NXNL2: variants seen among roughly 807,000 people sequenced by gnomAD.
NXNL2 encodes nucleoredoxin like 2, also known as nucleoredoxin-like protein 2.
In NXNL2, 7 loss-of-function variants were observed where a neutral mutation model predicts 11.1. The ratio of observed to expected loss-of-function variants is 0.63; its 90% CI spans 0.36 to 1.18. The LOEUF (loss-of-function observed/expected upper bound fraction) is 1.18. NXNL2 is among the 50% of genes most tolerant of loss of function. The pLI is 0.02. For synonymous variants in NXNL2, 109 were observed against 101.8 expected (o/e 1.07, Z -0.42); for missense variants, 233 against 217.7 (o/e 1.07, Z -0.44).
chr9:88,571,855 A>T (rs558245497), intron 2 of NXNL2, among the ~76,000 whole-genome samples: 1 of 152,090 alleles, frequency 6.6e-6, no homozygotes, highest in Non-Finnish European at 1.5e-5. Context: ...TAACGTCTCC[A>T]CCGGAGACCT....
chr9:88,540,065 G>A (rs1829717070), intron 1 of NXNL2, among the ~76,000 whole-genome samples: 1 of 151,658 alleles, frequency 6.6e-6, no homozygotes, highest in South Asian at 2.1e-4. Flanking sequence ...GGGCGTGGTG[G>A]CTCACGCCTG....
intron 1 of NXNL2, among the ~76,000 whole-genome samples, chr9:88,560,657 T>C (rs972878856): frequency 3.3e-5 from 5 of 152,162 alleles, no homozygotes; most frequent in Admixed American, 1.3e-4. Flanking sequence ...AAATCCCTGC[T>C]ATTGTGGATG....
intron 1 of NXNL2, among the ~76,000 whole-genome samples, chr9:88,560,892 A>C (rs890396135): frequency 1.3e-5 from 2 of 152,178 alleles, no homozygotes; most frequent in African/African-American, 4.8e-5. Context: ...GCAGAGATGG[A>C]TATTGAGAGC....
chr9:88,546,615 A>G (rs576723547), downstream of NXNL2, among the ~76,000 whole-genome samples: 23 of 151,822 alleles, frequency 1.5e-4, no homozygotes, highest in African/African-American at 5.5e-4. Flanking sequence ...GGGTTTCTTC[A>G]TGTTGGCCAG....
chr9:88,557,609 G>A (rs1490577598), intron 1 of NXNL2, among the ~76,000 whole-genome samples: 1 of 152,340 alleles, frequency 6.6e-6, no homozygotes, highest in East Asian at 1.9e-4. Flanking sequence ...TAAGACAGGA[G>A]GCAGGAATAG....
intron 1 of NXNL2, among the ~76,000 whole-genome samples, chr9:88,541,829 G>T (rs139742819): frequency 0.015 from 2,356 of 152,270 alleles, 60 homozygotes; most frequent in African/African-American, 0.053. Context: ...TGTGTTTACA[G>T]CTTGGGATTT....
downstream of NXNL2, among the ~76,000 whole-genome samples, chr9:88,548,682 C>CA (rs34096783): frequency 0.094 from 7,385 of 78,566 alleles, 661 homozygotes; most frequent in African/African-American, 0.21. Flanking sequence ...GACTCTGTCT[C>CA]AAAAAAAAAA....
At chr9:88,572,717 C>T (rs186425180) in intron 2 of NXNL2, among the ~76,000 whole-genome samples, 43 of 152,336 alleles carry the variant, frequency 2.8e-4, no homozygotes, top group African/African-American at 9.9e-4. Flanking sequence ...CACCTTAGCT[C>T]TCCATCCCCC....
At chr9:88,559,804 C>T (rs753482786) in intron 1 of NXNL2, among the ~76,000 whole-genome samples, 10 of 152,108 alleles carry the variant, frequency 6.6e-5, no homozygotes, top group Middle Eastern at 3.4e-3. Context: ...CTTTCAGGAC[C>T]GGCCGGTGCC....
At chr9:88,538,906 G>A (rs552365241) in intron 1 of NXNL2, among the ~76,000 whole-genome samples, 3 of 148,194 alleles carry the variant, frequency 2.0e-5, no homozygotes, top group African/African-American at 7.5e-5. Context: ...GGTGCAGGAG[G>A]TTAACTAGCC....
chr9:88,535,292 G>A lies in NXNL2; in HGVS notation c.-143G>A. ...CAGGCGAGGCCTGGCCAAGGTGTGG[G>A]CGCATCTGGGGCAGGTCTTGAGAGG... On this transcript the variant is annotated 5_prime_UTR_variant, in exon 1 of 2. Coordinates refer to ENST00000375854, the MANE Select transcript of NXNL2 (RefSeq NM_001161625.2). 1 of 740,618 alleles carries A rather than the reference G, an allele frequency of 1.4e-6. No individual in the cohort carries two copies. The highest frequency in any genetic ancestry group is 2.9e-5 in the East Asian group (1 of 34,662). The allele number at this position is 740,618 out of a possible 1,614,324, so 45.9% of individuals were successfully genotyped here.
rs1326309918 is a variant in NXNL2 at position 88,544,484 on chromosome 9, G to T, written c.408G>T (p.Arg136=). Residue 136 remains arginine, a synonymous_variant, in exon 2 of 2, where the codon CGG becomes CGT. Transcript: ENST00000375854. ...TNKGRKQIRE[R]GLACFQDWVE... ...AAGGGCGGAAGCAGATCCGGGAACG[G>T]GGGTTGGCCTGCTTCCAGGACTGGG... 21 of 1,551,476 alleles carry T rather than the reference G, an allele frequency of 1.4e-5. No homozygotes were observed. The highest frequency in any genetic ancestry group is 1.8e-5 in the Non-Finnish European group (21 of 1,146,926).
At chr9:88,578,198 C>T (rs550313017), downstream of NXNL2, among the ~76,000 whole-genome samples, 1 of 152,336 alleles carries the variant, frequency 6.6e-6, no homozygotes, top group Admixed American at 6.5e-5. Context: ...ACCAAAATAA[C>T]TGGACGCAGG....
At chr9:88,584,502 T>G (rs1341959065), downstream of NXNL2, among the ~76,000 whole-genome samples, 2 of 152,204 alleles carry the variant, frequency 1.3e-5, no homozygotes. Flanking sequence ...ATGTCTGTTG[T>G]TTAAACTACT....
intron 1 of NXNL2, among the ~76,000 whole-genome samples, chr9:88,567,099 CT>C (rs1041694918): frequency 1.2e-4 from 19 of 152,054 alleles, no homozygotes; most frequent in African/African-American, 4.6e-4. Flanking sequence ...GTTGATAGAA[CT>C]GGTACATAGT....
At chr9:88,566,248 A>T (rs574184619) in intron 1 of NXNL2, among the ~76,000 whole-genome samples, 3 of 151,168 alleles carry the variant, frequency 2.0e-5, no homozygotes, top group African/African-American at 7.3e-5. Flanking sequence ...TGCCAGATCC[A>T]TTAAATCATT....
chr9:88,562,444 A>G (rs1830097553), intron 1 of NXNL2, among the ~76,000 whole-genome samples: 1 of 152,184 alleles, frequency 6.6e-6, no homozygotes. Context: ...AAATGAAAAA[A>G]GAAAGAAAGA....
downstream of NXNL2, among the ~76,000 whole-genome samples, chr9:88,548,756 G>A (rs1384362429): frequency 2.0e-5 from 3 of 151,190 alleles, no homozygotes; most frequent in Non-Finnish European, 4.4e-5. Context: ...CTATGTACTT[G>A]CCATGACCTG....
chr9:88,565,346 C>T (rs1008714798), intron 1 of NXNL2, among the ~76,000 whole-genome samples: 31 of 152,122 alleles, frequency 2.0e-4, no homozygotes, highest in African/African-American at 7.5e-4. Context: ...TTTCTGAGAT[C>T]CTGATCTCAA....
Sources: allele counts gnomAD v4.1 joint callset (sites outside exome capture counted in the v4.1 genomes callset), GRCh38; gene constraint gnomAD v4.1.1; transcripts MANE v1.5; gene names NCBI Gene and HGNC (gene_info 2026-07-23, HGNC 2026-07-21).